PLEKHG7: variants seen among roughly 807,000 people sequenced by gnomAD.
PLEKHG7 encodes the protein pleckstrin homology domain-containing family G member 7.
In PLEKHG7, 77 loss-of-function variants were observed where a neutral mutation model predicts 85.2. That is an observed-to-expected ratio of 0.90 (90% CI 0.75 to 1.09). PLEKHG7 has a LOEUF of 1.09. PLEKHG7 is among the 50% of genes least tolerant of loss of function. The pLI is 0.00. For synonymous variants in PLEKHG7, 301 were observed against 302.4 expected, an observed-to-expected ratio of 1.00 and a Z score of 0.05; for missense variants, 777 against 804.3, an observed-to-expected ratio of 0.97 and a Z score of 0.41.
chr12:92,712,961 T>C (rs1380088999), intron 3 of PLEKHG7, among the ~76,000 whole-genome samples: 2 of 152,144 alleles, frequency 1.3e-5, no homozygotes. Context: ...AAAGCCAGTG[T>C]CCAGTAGTCC....
At chr12:92,760,605 T>G (rs1242190222) in intron 13 of PLEKHG7, among the ~76,000 whole-genome samples, 1 of 152,160 alleles carries the variant, frequency 6.6e-6, no homozygotes, top group African/African-American at 2.4e-5. Context: ...CACATCTCCC[T>G]CTAAAAACCT....
At chr12:92,762,166 C>T (rs1364269441) in intron 14 of PLEKHG7, among the ~76,000 whole-genome samples, 1 of 152,172 alleles carries the variant, frequency 6.6e-6, no homozygotes. Context: ...CAAAGGAACC[C>T]AAAACATCTT....
chr12:92,723,601 T>C (rs952505587), intron 3 of PLEKHG7, among the ~76,000 whole-genome samples: 2 of 152,210 alleles, frequency 1.3e-5, no homozygotes, highest in African/African-American at 4.8e-5. Flanking sequence ...TTTATATTGA[T>C]TAATTTAGCC....
intron 2 of PLEKHG7, chr12:92,707,345 G>A (rs978585236): frequency 2.2e-5 from 31 of 1,428,178 alleles, no homozygotes; most frequent in South Asian, 4.7e-5. Flanking sequence ...AAATGATCTC[G>A]CTCACTTTCT....
rs1288719354 is a variant in PLEKHG7 at position 92,753,986 on chromosome 12, T to G, written c.1252-104T>G. The G allele has an allele frequency of 5.1e-6, 6 of 1,165,842 alleles. No individual in the cohort carries two copies. In the East Asian group the frequency reaches 1.2e-4, roughly 23 times the overall value. 72.2% of individuals were successfully genotyped at this position (1,165,842 alleles called of 1,614,324 possible). A position where few individuals can be genotyped will look rare whatever the true frequency, so the allele number is the denominator to read the frequency against. On this transcript the variant is annotated intron_variant, in intron 10 of 16. Transcript: ENST00000344636. Reference sequence around the variant, plus strand: ...TCCCAGCAAACTCACAAGTAGGTCCTGCAGTTACTGAGTAAAATCTCCAAG... The same window carrying G: ...TCCCAGCAAACTCACAAGTAGGTCCGGCAGTTACTGAGTAAAATCTCCAAG...
chr12:92,717,340 C>CA (rs1448709207), intron 3 of PLEKHG7, among the ~76,000 whole-genome samples: 1 of 152,168 alleles, frequency 6.6e-6, no homozygotes, highest in Admixed American at 6.5e-5. Context: ...AAACTTCCCC[C>CA]AAAGTCAGAG....
At chr12:92,758,676 C>T (rs968186486) in intron 13 of PLEKHG7, among the ~76,000 whole-genome samples, 2 of 152,200 alleles carry the variant, frequency 1.3e-5, no homozygotes, top group East Asian at 3.8e-4. Context: ...TGGACATGAA[C>T]TACATAATGT....
chr12:92,720,189 G>A (rs150394573), intron 3 of PLEKHG7, among the ~76,000 whole-genome samples: 1 of 152,166 alleles, frequency 6.6e-6, no homozygotes, highest in Non-Finnish European at 1.5e-5. Context: ...CACTTCCCCT[G>A]AAGGCTCTAG....
chr12:92,732,165 C>A, intron 4 of PLEKHG7, 68 bp from the exon 5 acceptor site: 2 of 964,698 alleles, frequency 2.1e-6, no homozygotes, highest in Non-Finnish European at 2.7e-6. Context: ...TTTTGTAAAG[C>A]ACTACGATGA....
At chr12:92,744,080 A>C (rs1036503102) in intron 9 of PLEKHG7, among the ~76,000 whole-genome samples, 5 of 152,224 alleles carry the variant, frequency 3.3e-5, no homozygotes, top group African/African-American at 1.2e-4. Context: ...TTGTCTTCTA[A>C]GGTCCTATAA....
intron 5 of PLEKHG7, among the ~76,000 whole-genome samples, 165 bp downstream of exon 5, chr12:92,732,438 T>C (rs775843991): frequency 4.6e-5 from 7 of 152,202 alleles, no homozygotes; most frequent in Non-Finnish European, 8.8e-5. Flanking sequence ...CTACGGAACA[T>C]GCCAAGTGGT....
intron 3 of PLEKHG7, among the ~76,000 whole-genome samples, chr12:92,711,866 T>A (rs928590136): frequency 2.0e-5 from 3 of 152,180 alleles, no homozygotes; most frequent in African/African-American, 7.2e-5. Context: ...CTGGCCACCT[T>A]TCAGGTCACT....
intron 13 of PLEKHG7, among the ~76,000 whole-genome samples, chr12:92,759,914 C>CTTGT (rs1331097493): frequency 1.3e-5 from 2 of 152,156 alleles, no homozygotes; most frequent in African/African-American, 4.8e-5. Context: ...TTATTTCTCT[C>CTTGT]TTGTTAAGTC....
At chr12:92,761,713 G>T (rs11106696) in intron 13 of PLEKHG7, 39 bp from the exon 14 acceptor site, 1 of 1,525,754 alleles carries the variant, frequency 6.6e-7, no homozygotes, top group Admixed American at 2.4e-5. Context: ...CTACTTAACA[G>T]TTTCAGGTCC....
intron 12 of PLEKHG7, 22 bp downstream of exon 12, chr12:92,755,962 G>C (rs1872816589): frequency 6.6e-7 from 1 of 1,509,526 alleles, no homozygotes; most frequent in East Asian, 2.3e-5. Context: ...AAATCAATTA[G>C]GACTTATGTC....
intron 16 of PLEKHG7, 28 bp from the exon 17 acceptor site, chr12:92,770,056 CTATT>C (rs763371162): frequency 2.2e-6 from 3 of 1,367,512 alleles, no homozygotes; most frequent in East Asian, 2.3e-5. Context: ...ATTCTAATCT[CTATT>C]TATGTATTTT....
intron 10 of PLEKHG7, among the ~76,000 whole-genome samples, chr12:92,753,211 A>AAC (rs1403560997): frequency 2.6e-5 from 4 of 152,054 alleles, no homozygotes; most frequent in Non-Finnish European, 4.4e-5. Context: ...AGAGGAAGAG[A>AAC]ACACACACAC....
At position 92,706,721 on chromosome 12, in the gene PLEKHG7, C is replaced by G; in HGVS notation, c.90C>G (p.Asn30Lys). 1 of 1,614,134 alleles carries G rather than the reference C, an allele frequency of 6.2e-7. No individual in the cohort carries two copies. Among genetic ancestry groups the G allele is most frequent in the Non-Finnish European group, 8.5e-7 (1 of 1,180,040 alleles). The change falls in exon 2 of 17, where the codon AAC (asparagine) becomes AAG (lysine). Residue 30 changes from asparagine (N) to lysine (K), a missense_variant. This residue lies in a region of PLEKHG7 where 252 missense variants were observed against 241.9 expected (regional missense o/e 1.04). Transcript: ENST00000344636. ...CCTCGCTGAGGAGCCTGCCAAAGAACCAGGGGAGTCTCCTCCAGTTTGACC... is the reference window on the plus strand; with the variant it reads ...CCTCGCTGAGGAGCCTGCCAAAGAAGCAGGGGAGTCTCCTCCAGTTTGACC... ...PRPSLRSLPK[N>K]QGSLLQFDRQ...
chr12:92,721,900 T>A (rs1169372299), intron 3 of PLEKHG7, among the ~76,000 whole-genome samples: 1 of 151,938 alleles, frequency 6.6e-6, no homozygotes, highest in African/African-American at 2.4e-5. Context: ...ATCCAATCTC[T>A]AAAAATATTC....
Sources: gnomAD v4.1 joint callset for allele counts (sites outside exome capture counted in the v4.1 genomes callset) on GRCh38, gnomAD v4.1.1 for gene constraint, gnomAD v4.1.1 regional missense constraint, MANE v1.5 for transcripts, NCBI Gene and HGNC (gene_info 2026-07-23, HGNC 2026-07-21) for gene names.